Variants in PLPPR1 observed in about 807,000 individuals in gnomAD.
PLPPR1 encodes the protein phospholipid phosphatase related 1, also known as phospholipid phosphatase-related protein type 1.
A neutral mutation model predicts 33.1 loss-of-function variants in PLPPR1; 10 were observed. The ratio of observed to expected loss-of-function variants is 0.30; its 90% confidence interval spans 0.19 to 0.51. The LOEUF is 0.51. Ranked by LOEUF, PLPPR1 falls within the 20% of genes least tolerant of loss-of-function variation. PLPPR1 has a pLI of 0.97. For missense variants in PLPPR1, 304 were observed against 408.1 expected, an observed-to-expected ratio of 0.74 and a Z score of 2.20; for synonymous variants, 151 against 151.0, an observed-to-expected ratio of 1.00 and a Z score of 0.00.
intron 4 of PLPPR1, among the ~76,000 whole-genome samples, chr9:101,287,265 A>G (rs1011366097): frequency 2.6e-5 from 4 of 152,184 alleles, no homozygotes; most frequent in African/African-American, 9.6e-5. Flanking sequence ...AGATTATGCA[A>G]GTTTGCAATT....
At position 101,309,267 on chromosome 9, in the gene PLPPR1, G is replaced by C. The variant is rs149405756; in HGVS notation, c.442G>C (p.Val148Leu). The C allele has an allele frequency of 1.2e-6, 2 of 1,614,152 alleles. No homozygotes were observed. The highest frequency in any genetic ancestry group is 1.7e-6 in the Non-Finnish European group (2 of 1,180,020). ...CATTTTTGTAAACGCCGGACAAGTG[G>C]TCACTGGGCACTTAACGCCATACTT... ...TDIFVNAGQV[V>L]TGHLTPYFLT... The change falls in exon 5 of 8, where the codon GTC becomes CTC. Residue 148 changes from valine (V) to leucine (L), a missense_variant. Physicochemically the swap from Val to Leu is conservative, Grantham distance 32 (BLOSUM62 1). Transcript: ENST00000374874.
chr9:101,169,664 A>T (rs181211877), intron 1 of PLPPR1, among the ~76,000 whole-genome samples: 61 of 140,886 alleles, frequency 4.3e-4, no homozygotes, highest in African/African-American at 1.3e-3. Flanking sequence ...TCAGACTTTT[A>T]AAAAAAAATT....
intron 1 of PLPPR1, among the ~76,000 whole-genome samples, chr9:101,072,174 C>T (rs1199509006): frequency 1.3e-5 from 2 of 152,160 alleles, no homozygotes; most frequent in East Asian, 1.9e-4. Flanking sequence ...TAAATGTTTG[C>T]CTCTCATTTT....
At chr9:101,044,728 C>G (rs761116345) in intron 1 of PLPPR1, among the ~76,000 whole-genome samples, 2 of 152,094 alleles carry the variant, frequency 1.3e-5, no homozygotes, top group Non-Finnish European at 2.9e-5. Context: ...TAGTATGAAT[C>G]AGATGGAAAT....
intron 1 of PLPPR1, among the ~76,000 whole-genome samples, chr9:101,074,453 A>G (rs1830513530): frequency 6.6e-6 from 1 of 152,178 alleles, no homozygotes; most frequent in Non-Finnish European, 1.5e-5. Flanking sequence ...ACATTACATG[A>G]TAACCCATTT....
intron 2 of PLPPR1, among the ~76,000 whole-genome samples, chr9:101,240,710 A>T (rs1461175144): frequency 6.6e-5 from 10 of 152,074 alleles, no homozygotes; most frequent in Non-Finnish European, 2.9e-5. Context: ...GCAGTGTCAG[A>T]CGAGGATTTC....
intron 1 of PLPPR1, among the ~76,000 whole-genome samples, chr9:101,154,543 ATCAG>A (rs1831648282): frequency 6.6e-6 from 1 of 152,032 alleles, no homozygotes; most frequent in South Asian, 2.1e-4. Context: ...TTTCTGTGGG[ATCAG>A]TGGTGATATC....
At chr9:101,318,718 G>A (rs763238838) in intron 7 of PLPPR1, among the ~76,000 whole-genome samples, 3 of 152,048 alleles carry the variant, frequency 2.0e-5, no homozygotes, top group Non-Finnish European at 2.9e-5. Context: ...AGACTACAGC[G>A]TGCTGTGATC....
chr9:101,228,074 C>T (rs779314907), intron 2 of PLPPR1, among the ~76,000 whole-genome samples: 1 of 152,210 alleles, frequency 6.6e-6, no homozygotes, highest in Non-Finnish European at 1.5e-5. Context: ...CCACTGCTTT[C>T]AGCCGGCTTT....
At chr9:101,266,045 C>G (rs1827986677) in intron 2 of PLPPR1, among the ~76,000 whole-genome samples, 1 of 151,750 alleles carries the variant, frequency 6.6e-6, no homozygotes, top group Non-Finnish European at 1.5e-5. Context: ...AACTAGAAAT[C>G]AAAATCTGAG....
At position 101,324,198 on chromosome 9, in the gene PLPPR1, A is replaced by T; in HGVS notation, c.*141A>T. The T allele has an allele frequency of 3.4e-6, 2 of 580,156 alleles. No homozygotes were observed. The highest frequency in any genetic ancestry group is 3.0e-5 in the South Asian group (1 of 33,018). 35.9% of individuals were successfully genotyped at this position (580,156 alleles called of 1,614,324 possible). A position where few individuals can be genotyped will look rare whatever the true frequency, so the allele number is the denominator to read the frequency against. On this transcript the variant is annotated 3_prime_UTR_variant, in exon 8 of 8. Coordinates refer to ENST00000374874, the MANE Select transcript of PLPPR1 (RefSeq NM_207299.2). ...AGCTAATGTTTTGTACATTTTTTGT[A>T]TGAGGAAGTGATGTAGCTTGCCCTG...
chr9:101,219,433 C>T (rs1158124450), intron 2 of PLPPR1, among the ~76,000 whole-genome samples: 3 of 152,162 alleles, frequency 2.0e-5, no homozygotes, highest in East Asian at 3.9e-4. Flanking sequence ...GACCATCTCA[C>T]CTTGTTGCTC....
At chr9:101,263,039 G>A (rs888793551) in intron 2 of PLPPR1, among the ~76,000 whole-genome samples, 1 of 152,110 alleles carries the variant, frequency 6.6e-6, no homozygotes, top group Admixed American at 6.5e-5. Context: ...AGCATTAGGA[G>A]AAATACCTAA....
rs910877238 is a variant in PLPPR1, at chr9:101,092,305, ATTG to A, written c.-46+63215_-46+63217del. ...TCAGAACCTATTAATTTTGTGATTT[ATTG>A]TTGTTGTTGTTTATTTAACTATCTC... On this transcript the variant is annotated intron_variant, in intron 1 of 7. Transcript: ENST00000374874. Among the ~76,000 whole-genome samples, 7 of 152,130 alleles carry A rather than the reference ATTG, an allele frequency of 4.6e-5. No homozygotes were observed. The East Asian group carries it at 1.2e-3, about 25-fold the overall frequency.
intron 3 of PLPPR1, among the ~76,000 whole-genome samples, chr9:101,271,870 A>G (rs1045993637): frequency 2.0e-5 from 3 of 152,122 alleles, no homozygotes; most frequent in African/African-American, 7.2e-5. Flanking sequence ...ACTTTTTATA[A>G]TTATAGAGAT....
intron 1 of PLPPR1, among the ~76,000 whole-genome samples, chr9:101,079,121 T>G (rs1407393482): frequency 1.3e-5 from 2 of 152,200 alleles, no homozygotes; most frequent in East Asian, 3.9e-4. Flanking sequence ...TTCCATGTTT[T>G]AAAGTAAATT....
In PLPPR1 at chr9:101,148,394, G is replaced by A. The variant is rs569906196; in HGVS notation, c.-45-37056G>A. On this transcript the variant is annotated intron_variant, in intron 1 of 7. Coordinates refer to ENST00000374874, the MANE Select transcript of PLPPR1 (RefSeq NM_207299.2). ...TAAGAAAATTGCTAGCAGCTCCCAAGTAATCAGACCTGGAATGTAGATCCT... is the reference window on the plus strand; with the variant it reads ...TAAGAAAATTGCTAGCAGCTCCCAAATAATCAGACCTGGAATGTAGATCCT... Among the ~76,000 whole-genome samples, 65 of 152,270 alleles carry A rather than the reference G, an allele frequency of 4.3e-4. No homozygotes were observed. The South Asian group carries it at 0.011, about 25-fold the overall frequency.
Position 101,315,702 on chromosome 9 carries a change from C to A in PLPPR1, c.814-1663C>A, listed in dbSNP as rs536317957. Among the ~76,000 whole-genome samples, 109 of 152,234 alleles carry A rather than the reference C, an allele frequency of 7.2e-4. 1 individual carries two copies. The highest frequency in any genetic ancestry group is 2.5e-3 in the African/African-American group (104 of 41,514). ...CATAAGAGAGACCACCCTGTTGGCACATGCATGTGAACACACCTCACAGAC... is the reference window on the plus strand; with the variant it reads ...CATAAGAGAGACCACCCTGTTGGCAAATGCATGTGAACACACCTCACAGAC... On this transcript the variant is annotated intron_variant, in intron 6 of 7. Transcript: ENST00000374874.
chr9:101,277,229 C>T (rs1828213797), intron 3 of PLPPR1, among the ~76,000 whole-genome samples: 1 of 152,172 alleles, frequency 6.6e-6, no homozygotes, highest in East Asian at 1.9e-4. Flanking sequence ...ACTGAGAGCC[C>T]TGAAACTACT....
Sources: gnomAD v4.1 joint callset for allele counts (sites outside exome capture counted in the v4.1 genomes callset) on GRCh38, gnomAD v4.1.1 for gene constraint, MANE v1.5 for transcripts, NCBI Gene and HGNC (gene_info 2026-07-23, HGNC 2026-07-21) for gene names.